UTRN: variants seen among roughly 807,000 people sequenced by gnomAD.
UTRN encodes the protein dystrophin-related protein 1.
Under a neutral mutation model 463.9 loss-of-function variants are expected in UTRN, and 283 were observed. That is an observed-to-expected ratio of 0.61 (90% CI 0.55 to 0.67). The LOEUF (loss-of-function observed/expected upper bound fraction) is 0.67, where lower values mean the gene tolerates loss of function less well. Among genes scored for constraint, UTRN ranks in the 30% least tolerant of loss-of-function variants. The pLI, the probability that UTRN is intolerant of heterozygous loss-of-function variation, is 0.00. For synonymous variants in UTRN, 1,442 were observed against 1,431.5 expected (o/e 1.01, Z -0.17); for missense variants, 3,922 against 4,084.3 (o/e 0.96, Z 1.08).
rs191239381 is a variant in UTRN, at chr6:144,613,601, A to G, written c.7479+36313A>G. ...AATTATGGTTATGGAAAGCAGTTCA[A>G]TTGTTGACAGGGGCTTGAGAATTGA... On this transcript the variant is annotated intron_variant, in intron 51 of 74. Transcript: ENST00000367545. Among the ~76,000 whole-genome samples the G allele has an allele frequency of 7.2e-5, 11 of 152,138 alleles. No individual in the cohort carries two copies. In the East Asian group the frequency reaches 1.7e-3, roughly 24 times the overall value.
In UTRN at chr6:144,447,619, G is replaced by A. The variant is rs200845408; in HGVS notation, c.1740G>A (p.Met580Ile). The change falls in exon 16 of 75, where the codon ATG (methionine) becomes ATA (isoleucine). Residue 580 changes from methionine (M) to isoleucine (I), a missense_variant. Met to Ile is a conservative substitution (Grantham distance 10, BLOSUM62 1). Around this residue, in one of 3 missense-constraint regions of UTRN, gnomAD observed 2,349 missense variants for 2,303.8 expected, o/e 1.02. Transcript: ENST00000367545. ...VRRLAILKED[M>I]EMKRQTLDQL... is the part of the protein sequence containing the mutation. ...AATACTAGATTTTGAAGGAAGACAT[G>A]GAAATGAAGCGTCAAACATTGGATC... is the stretch of plus-strand genomic sequence containing the variant. The A allele has an allele frequency of 3.7e-4, 596 of 1,612,852 alleles. No homozygotes were observed. Among genetic ancestry groups the A allele is most frequent in the Non-Finnish European group, 4.5e-4 (535 of 1,179,726 alleles).
intron 65 of UTRN, among the ~76,000 whole-genome samples, chr6:144,811,356 T>C (rs1778594163): frequency 6.6e-6 from 1 of 152,172 alleles, no homozygotes; most frequent in South Asian, 2.1e-4. Context: ...TCAGATGTGA[T>C]GTGGGGTGTT....
chr6:144,501,314 G>T (rs367656305), intron 34 of UTRN, among the ~76,000 whole-genome samples: 4 of 152,192 alleles, frequency 2.6e-5, no homozygotes, highest in African/African-American at 7.2e-5. Context: ...TATCATCCTC[G>T]TGCAGTATAC....
chr6:144,790,058 TTTA>T (rs1379165076), intron 62 of UTRN, among the ~76,000 whole-genome samples: 30 of 152,314 alleles, frequency 2.0e-4, no homozygotes, highest in African/African-American at 7.0e-4. Flanking sequence ...GAAGCTGAAA[TTTA>T]GCAAATTTTC....
intron 2 of UTRN, among the ~76,000 whole-genome samples, chr6:144,327,377 A>G (rs187262559): frequency 6.4e-4 from 97 of 152,238 alleles, no homozygotes; most frequent in Middle Eastern, 3.4e-3. Context: ...ATTCTTCCAG[A>G]GAAGCCCACA....
intron 61 of UTRN, among the ~76,000 whole-genome samples, chr6:144,782,681 C>A (rs1775949515): frequency 6.6e-6 from 1 of 151,558 alleles, no homozygotes; most frequent in African/African-American, 2.4e-5. Flanking sequence ...TGCTACAGGA[C>A]ACTTTAATAT....
chr6:144,550,869 A>G, intron 47 of UTRN, 96 bp from the exon 48 acceptor site: 1 of 1,101,282 alleles, frequency 9.1e-7, no homozygotes, highest in African/African-American at 1.6e-5. Flanking sequence ...TAGAGGAGGA[A>G]AACAACGACA....
intron 1 of UTRN, among the ~76,000 whole-genome samples, chr6:144,290,329 C>T (rs975975533): frequency 1.3e-5 from 2 of 152,124 alleles, no homozygotes; most frequent in African/African-American, 4.8e-5. Context: ...ATTTAGTCTC[C>T]TTTAATTCAC....
chr6:144,427,754 TTCCA>T (rs1785421216), intron 7 of UTRN, among the ~76,000 whole-genome samples: 1 of 152,220 alleles, frequency 6.6e-6, no homozygotes, highest in Admixed American at 6.5e-5. Context: ...CAATATACCA[TTCCA>T]TTTATTAATT....
chr6:144,288,357 C>G (rs1803885117), intron 1 of UTRN, among the ~76,000 whole-genome samples: 1 of 152,196 alleles, frequency 6.6e-6, no homozygotes, highest in African/African-American at 2.4e-5. Flanking sequence ...GTTGACTTTT[C>G]TCTTTTATGG....
At chr6:144,432,208 C>T (rs941834167) in intron 9 of UTRN, among the ~76,000 whole-genome samples, 2 of 152,154 alleles carry the variant, frequency 1.3e-5, no homozygotes, top group Admixed American at 6.5e-5. Flanking sequence ...TGGACTTTTC[C>T]CCCAAGACTC....
At chr6:144,367,279 C>A (rs1779596896) in intron 2 of UTRN, among the ~76,000 whole-genome samples, 1 of 151,640 alleles carries the variant, frequency 6.6e-6, no homozygotes, top group South Asian at 2.1e-4. Flanking sequence ...GCCACTGTGC[C>A]CGGCCCCTCT....
chr6:144,639,570 T>G (rs1777550652), intron 51 of UTRN, among the ~76,000 whole-genome samples: 1 of 152,246 alleles, frequency 6.6e-6, no homozygotes. Flanking sequence ...TTCCCTTGTT[T>G]GTTAATCTTG....
chr6:144,576,895 T>C (rs1801490605), intron 50 of UTRN, among the ~76,000 whole-genome samples: 1 of 152,214 alleles, frequency 6.6e-6, no homozygotes, highest in Non-Finnish European at 1.5e-5. Flanking sequence ...GCTCTCCCCC[T>C]TTCACTCTTC....
chr6:144,604,080 A>G (rs1346346118), intron 51 of UTRN, among the ~76,000 whole-genome samples: 1 of 152,170 alleles, frequency 6.6e-6, no homozygotes, highest in Non-Finnish European at 1.5e-5. Context: ...ACTGTTTTAC[A>G]TTTGATTATG....
At chr6:144,642,201 G>A (rs1777844410) in intron 51 of UTRN, among the ~76,000 whole-genome samples, 1 of 152,064 alleles carries the variant, frequency 6.6e-6, no homozygotes, top group South Asian at 2.1e-4. Context: ...CAAATACCCA[G>A]TATTATGAGC....
At chr6:144,481,169 C>T (rs141478812) in intron 26 of UTRN, among the ~76,000 whole-genome samples, 116 of 152,280 alleles carry the variant, frequency 7.6e-4, no homozygotes, top group African/African-American at 2.7e-3. Flanking sequence ...GCCATTAGGA[C>T]TTACAAAACC....
chr6:144,339,219 A>G (rs548882098), intron 2 of UTRN, among the ~76,000 whole-genome samples: 1 of 152,328 alleles, frequency 6.6e-6, no homozygotes, highest in African/African-American at 2.4e-5. Context: ...AGAAAAGAAC[A>G]TTTCTGGAAA....
intron 2 of UTRN, among the ~76,000 whole-genome samples, chr6:144,333,480 C>T (rs2114611371): frequency 6.6e-6 from 1 of 152,148 alleles, no homozygotes; most frequent in East Asian, 1.9e-4. Context: ...TGAAGAAGAT[C>T]ATACAGCAAC....
Sources: gnomAD v4.1 joint callset for allele counts (sites outside exome capture counted in the v4.1 genomes callset) on GRCh38, gnomAD v4.1.1 for gene constraint, gnomAD v4.1.1 regional missense constraint, MANE v1.5 for transcripts, NCBI Gene and HGNC (gene_info 2026-07-23, HGNC 2026-07-21) for gene names.